CAMTA1: variants seen among roughly 807,000 people sequenced by gnomAD.
The protein encoded by CAMTA1 is calmodulin binding transcription activator 1.
In CAMTA1, 27 loss-of-function variants were observed where a neutral mutation model predicts 170.9. That is an observed-to-expected ratio of 0.16 (90% CI 0.12 to 0.22). The LOEUF (loss-of-function observed/expected upper bound fraction) is 0.22, where lower values mean the gene tolerates loss of function less well. CAMTA1 is among the 10% of genes least tolerant of loss of function. CAMTA1 has a pLI of 1.00. For missense variants in CAMTA1, 1,619 were observed against 2,217.2 expected (o/e 0.73, Z 5.42); for synonymous variants, 833 against 891.5 (o/e 0.93, Z 1.17).
At chr1:7,694,302 A>G (rs2096351100) in intron 11 of CAMTA1, 1 of 152,202 alleles carries the variant, frequency 6.6e-6, no homozygotes, top group Non-Finnish European at 1.5e-5. Context: ...CTGGGGACAA[A>G]GAGCACATTT....
chr1:6,815,847 A>C (rs1469874022), intron 1 of CAMTA1, among the ~76,000 whole-genome samples: 10 of 152,176 alleles, frequency 6.6e-5, no homozygotes. Flanking sequence ...CAGAACTTGC[A>C]TTGAAAGAAG....
rs1573442480 is a variant in CAMTA1, at chr1:7,146,961, T to C, written c.302+55590T>C. ...TTCACACACATCACACATTCAAACA[T>C]ATGCCGTGCACACACACAGAAAGTT... On this transcript the variant is annotated intron_variant, in intron 4 of 22. Coordinates refer to ENST00000303635, the MANE Select transcript of CAMTA1 (RefSeq NM_015215.4). The surrounding 1 kb of genome is among the most constrained non-coding windows in gnomAD (Gnocchi z 4.3). Among the ~76,000 whole-genome samples, 1 of 151,608 alleles carries C rather than the reference T, an allele frequency of 6.6e-6. No homozygotes were observed. Among genetic ancestry groups the C allele is most frequent in the Middle Eastern group, 3.5e-3 (1 of 288 alleles).
At chr1:7,480,161 ATG>A (rs1211650431) in intron 6 of CAMTA1, among the ~76,000 whole-genome samples, 2 of 105,164 alleles carry the variant, frequency 1.9e-5, no homozygotes, top group South Asian at 3.0e-4. Context: ...GTGTGGGTGC[ATG>A]TGTGTGTGCT....
chr1:7,594,200 G>GAAGGAAGGAAGGAAGGAA (rs2095378699), intron 6 of CAMTA1, among the ~76,000 whole-genome samples: 16 of 113,670 alleles, frequency 1.4e-4, no homozygotes, highest in African/African-American at 6.7e-4. Flanking sequence ...AAGGAGGGAG[G>GAAGGAAGGAAGGAAGGAA]GGAAGGAAGG....
At chr1:7,295,371 C>G (rs1673782707) in intron 5 of CAMTA1, among the ~76,000 whole-genome samples, 1 of 152,188 alleles carries the variant, frequency 6.6e-6, no homozygotes, top group Non-Finnish European at 1.5e-5. Flanking sequence ...TACTCATTCT[C>G]ACAAGCAGGC....
Position 7,373,350 on chromosome 1 carries a change from G to A in CAMTA1, c.439-94480G>A, listed in dbSNP as rs1295539627. On this transcript the variant is annotated intron_variant, in intron 5 of 22. Coordinates refer to ENST00000303635, the MANE Select transcript of CAMTA1 (RefSeq NM_015215.4). The stretch of plus-strand genomic sequence containing the variant: ...TTTGCTAAAGCCCAGGATTTGATTC[G>A]CTGTGGATTTCAGTTCCCCCAGCCC... Among the ~76,000 whole-genome samples the A allele has an allele frequency of 5.9e-5, 9 of 152,220 alleles. No homozygotes were observed. In the East Asian group the frequency reaches 7.7e-4, roughly 13 times the overall value.
At chr1:7,127,993 C>T (rs972661589) in intron 4 of CAMTA1, among the ~76,000 whole-genome samples, 36 of 152,186 alleles carry the variant, frequency 2.4e-4, no homozygotes, top group African/African-American at 6.5e-4. Context: ...CCGTTTATGC[C>T]GAGCACTGGC....
In CAMTA1 at chr1:7,092,294, G is replaced by A. The variant is rs1641589807; in HGVS notation, c.302+923G>A. Among the ~76,000 whole-genome samples, 1 of 152,216 alleles carries A rather than the reference G, an allele frequency of 6.6e-6. No homozygotes were observed. The highest frequency in any genetic ancestry group is 2.1e-4 in the South Asian group (1 of 4,830). ...TTTGTTAGGACCAGGGAAGGGTTGA[G>A]TGTGTCCTCTGTGCCCGTGGCCCAT... On this transcript the variant is annotated intron_variant, in intron 4 of 22. Coordinates refer to ENST00000303635, the MANE Select transcript of CAMTA1 (RefSeq NM_015215.4). This position sits in a 1 kb window ranked among gnomAD's most constrained non-coding sequence, Gnocchi z 5.0.
intron 6 of CAMTA1, among the ~76,000 whole-genome samples, chr1:7,584,526 A>T (rs2095291938): frequency 6.6e-6 from 1 of 152,186 alleles, no homozygotes; most frequent in African/African-American, 2.4e-5. Context: ...CAGAGGACTC[A>T]GTAGACCCTA....
At chr1:7,649,108 C>T (rs946027945) in intron 7 of CAMTA1, among the ~76,000 whole-genome samples, 14 of 152,226 alleles carry the variant, frequency 9.2e-5, no homozygotes, top group Admixed American at 6.5e-4. Context: ...GAGGACTTTC[C>T]GTAGACTCTG....
chr1:7,071,647 AT>A (rs1207789610), intron 3 of CAMTA1, among the ~76,000 whole-genome samples: 1 of 152,252 alleles, frequency 6.6e-6, no homozygotes, highest in Non-Finnish European at 1.5e-5. Flanking sequence ...TAAAAAGCCA[AT>A]TAATATCTAA....
intron 3 of CAMTA1, among the ~76,000 whole-genome samples, chr1:7,056,769 C>T (rs1558035687): frequency 6.6e-6 from 1 of 152,132 alleles, no homozygotes; most frequent in Non-Finnish European, 1.5e-5. Context: ...GGGGCCTGCA[C>T]TGCTGGGAAA....
At position 7,007,658 on chromosome 1, in the gene CAMTA1, T is replaced by C. The variant is rs1699200114; in HGVS notation, c.235-83646T>C. On this transcript the variant is annotated intron_variant, in intron 3 of 22. Coordinates refer to ENST00000303635, the MANE Select transcript of CAMTA1 (RefSeq NM_015215.4). The surrounding 1 kb of genome is among the most constrained non-coding windows in gnomAD (Gnocchi z 4.5). ...AGACTGCCGAGGGGTGGCCGGGCCC[T>C]GTCAGTGCTGCGGAGGTGAGCTCCT... Among the ~76,000 whole-genome samples the C allele has an allele frequency of 6.6e-6, 1 of 152,114 alleles. No homozygotes were observed.
chr1:7,284,300 T>C (rs1672031345), intron 5 of CAMTA1, among the ~76,000 whole-genome samples: 1 of 151,106 alleles, frequency 6.6e-6, no homozygotes, highest in Admixed American at 6.6e-5. Context: ...GCCTCCCGGG[T>C]TCAAGCAATT....
At chr1:7,520,249 T>TCCTCCTCCTCCCCTCC in intron 6 of CAMTA1, among the ~76,000 whole-genome samples, 1 of 4,824 alleles carries the variant, frequency 2.1e-4, no homozygotes, top group Non-Finnish European at 5.0e-4. Context: ...TCCCCTCCTC[T>TCCTCCTCCTCCCCTCC]TCCCTCCTCC....
intron 6 of CAMTA1, among the ~76,000 whole-genome samples, chr1:7,587,220 T>G (rs932301251): frequency 6.6e-6 from 1 of 152,082 alleles, no homozygotes; most frequent in Non-Finnish European, 1.5e-5. Flanking sequence ...TCATAGCCTA[T>G]TGGAGTTGAG....
chr1:7,213,597 C>CT (rs1299930367), intron 4 of CAMTA1, among the ~76,000 whole-genome samples: 3 of 113,032 alleles, frequency 2.7e-5, no homozygotes, highest in African/African-American at 1.3e-4. Flanking sequence ...TATTTTTTTT[C>CT]TTTTTTTTAA....
chr1:6,792,024 G>A (rs998678564), intron 1 of CAMTA1, among the ~76,000 whole-genome samples: 1 of 150,452 alleles, frequency 6.6e-6, no homozygotes, highest in Admixed American at 6.6e-5. Flanking sequence ...CACGATCTCC[G>A]CTCCCTGCAA....
At chr1:7,765,109 A>G (rs1158618125) in intron 22 of CAMTA1, among the ~76,000 whole-genome samples, 1 of 152,204 alleles carries the variant, frequency 6.6e-6, no homozygotes, top group African/African-American at 2.4e-5. Context: ...GCAGTAGAGT[A>G]TGGTGTCCTA....
Sources: allele counts gnomAD v4.1 joint callset (sites outside exome capture counted in the v4.1 genomes callset), GRCh38; gene constraint gnomAD v4.1.1; non-coding constraint Gnocchi (gnomAD v3.1); transcripts MANE v1.5; gene names NCBI Gene and HGNC (gene_info 2026-07-23, HGNC 2026-07-21).